The following AGAP1 variants were observed in gnomAD, a reference collection of about 807,000 sequenced individuals.
AGAP1 encodes arf-GAP with GTPase, ANK repeat and PH domain-containing protein 1.
AGAP1 carries 29 observed loss-of-function variants against 105.3 expected under a neutral mutation model. The ratio of observed to expected loss-of-function variants is 0.28; its 90% confidence interval spans 0.21 to 0.38. The LOEUF (loss-of-function observed/expected upper bound fraction) is 0.38, where lower values mean the gene tolerates loss of function less well. Ranked by LOEUF, AGAP1 falls within the 10% of genes least tolerant of loss-of-function variation. The pLI is 1.00. For synonymous variants in AGAP1, 509 were observed against 485.9 expected, an observed-to-expected ratio of 1.05 and a Z score of -0.63; for missense variants, 998 against 1,165.1, an observed-to-expected ratio of 0.86 and a Z score of 2.09.
At chr2:235,500,424 T>C (rs1334871708) in intron 1 of AGAP1, among the ~76,000 whole-genome samples, 1 of 152,226 alleles carries the variant, frequency 6.6e-6, no homozygotes, top group East Asian at 1.9e-4. Context: ...GTCCTGAGGA[T>C]GCGGATGCCC....
Position 235,981,911 on chromosome 2 carries a change from G to A in AGAP1, c.1645+13288G>A, listed in dbSNP as rs1453965953. Among the ~76,000 whole-genome samples the A allele has an allele frequency of 3.3e-5, 5 of 152,250 alleles. No individual in the cohort carries two copies. The highest frequency in any genetic ancestry group is 6.5e-5 in the Admixed American group (1 of 15,298). ...TTGTCTTTTCAGCGGTCTTGCCTCCGAATCTTGGCTTGTCTAGGATTCTTC... is the reference window on the plus strand; with the variant it reads ...TTGTCTTTTCAGCGGTCTTGCCTCCAAATCTTGGCTTGTCTAGGATTCTTC... On this transcript the variant is annotated intron_variant, in intron 13 of 17. Coordinates refer to ENST00000304032, the MANE Select transcript of AGAP1 (RefSeq NM_001037131.3). The surrounding 1 kb of genome is among the most constrained non-coding windows in gnomAD (Gnocchi z 5.5).
intron 1 of AGAP1, among the ~76,000 whole-genome samples, chr2:235,562,023 C>T (rs564513261): frequency 2.6e-5 from 4 of 152,310 alleles, no homozygotes; most frequent in African/African-American, 4.8e-5. Context: ...CAAAAACACA[C>T]ATCTTAACAA....
chr2:235,715,044 G>A (rs1165783022), intron 2 of AGAP1, among the ~76,000 whole-genome samples: 2 of 152,082 alleles, frequency 1.3e-5, no homozygotes, highest in East Asian at 3.9e-4. Flanking sequence ...TGATCTGCCC[G>A]CTTCGGCCCC....
At chr2:235,935,963 G>A (rs1439881928) in intron 12 of AGAP1, among the ~76,000 whole-genome samples, 3 of 152,174 alleles carry the variant, frequency 2.0e-5, no homozygotes, top group Non-Finnish European at 4.4e-5. Flanking sequence ...CTGAGTACCT[G>A]GGTGAGCCTG....
intron 4 of AGAP1, among the ~76,000 whole-genome samples, chr2:235,742,432 TTG>T (rs1009145037): frequency 2.0e-4 from 31 of 152,346 alleles, no homozygotes; most frequent in African/African-American, 6.5e-4. Context: ...GTGTAACATT[TTG>T]TTTCTTAGCA....
chr2:235,919,836 A>T lies in AGAP1; in HGVS notation c.1325-10929A>T, dbSNP rs1187679558. Among the ~76,000 whole-genome samples the T allele has an allele frequency of 2.0e-5, 3 of 152,212 alleles. No homozygotes were observed. Among genetic ancestry groups the T allele is most frequent in the Admixed American group, 2.0e-4 (3 of 15,276 alleles). The stretch of plus-strand genomic sequence containing the variant: ...AATTCTTTTCTTCTCCGTCTTCACA[A>T]TGCTTACACCCCTCATCCTCGCTGT... On this transcript the variant is annotated intron_variant, in intron 11 of 17. Coordinates refer to ENST00000304032, the MANE Select transcript of AGAP1 (RefSeq NM_001037131.3). This position sits in a 1 kb window ranked among gnomAD's most constrained non-coding sequence, Gnocchi z 4.1.
intron 1 of AGAP1, among the ~76,000 whole-genome samples, chr2:235,702,192 A>G (rs1256098811): frequency 6.6e-6 from 1 of 152,134 alleles, no homozygotes; most frequent in East Asian, 1.9e-4. Context: ...AAGTCATTCT[A>G]ATATTGGCTG....
intron 1 of AGAP1, among the ~76,000 whole-genome samples, chr2:235,676,997 G>A (rs911138349): frequency 1.3e-5 from 2 of 152,134 alleles, no homozygotes; most frequent in Admixed American, 1.3e-4. Flanking sequence ...TGATTGTTTT[G>A]GTTTAGGTTT....
rs1017660329 is a variant in AGAP1, at chr2:235,596,903, T to C, written c.163+102054T>C. On this transcript the variant is annotated intron_variant, in intron 1 of 17. Transcript: ENST00000304032. The surrounding 1 kb of genome is among the most constrained non-coding windows in gnomAD (Gnocchi z 5.9). ...ACGAATGCCCCTCAGGAGCGCTTGC[T>C]CTGTACCCTATGAGGACATCATGAG... Among the ~76,000 whole-genome samples the C allele has an allele frequency of 3.3e-5, 5 of 152,134 alleles. No homozygotes were observed. Among genetic ancestry groups the C allele is most frequent in the African/African-American group, 1.2e-4 (5 of 41,414 alleles).
chr2:235,715,561 C>T (rs188970622), intron 2 of AGAP1, among the ~76,000 whole-genome samples: 4 of 152,210 alleles, frequency 2.6e-5, no homozygotes, highest in South Asian at 2.1e-4. Flanking sequence ...AAGTTGTGTG[C>T]GAGGATTTGG....
chr2:235,738,359 T>C (rs935184109), intron 3 of AGAP1, among the ~76,000 whole-genome samples: 1 of 151,936 alleles, frequency 6.6e-6, no homozygotes, highest in Non-Finnish European at 1.5e-5. Flanking sequence ...TTACCCTCAT[T>C]TCACAGGTGA....
At position 235,975,535 on chromosome 2, in the gene AGAP1, T is replaced by C. The variant is rs144239272; in HGVS notation, c.1645+6912T>C. Among the ~76,000 whole-genome samples the C allele has an allele frequency of 7.8e-3, 1,190 of 152,316 alleles. 8 individuals carry two copies. Among genetic ancestry groups the C allele is most frequent in the African/African-American group, 0.018 (734 of 41,568 alleles). ...ATATAACAAGGTTGTAAGAGTCTTA[T>C]TAGCACAAGGCTCTCATCTTTTCTC... On this transcript the variant is annotated intron_variant, in intron 13 of 17. Transcript: ENST00000304032.
At chr2:235,759,568 G>T (rs918825425) in intron 6 of AGAP1, among the ~76,000 whole-genome samples, 8 of 152,214 alleles carry the variant, frequency 5.3e-5, no homozygotes, top group African/African-American at 1.2e-4. Flanking sequence ...ATCTCCCAGC[G>T]AATGGGAGAG....
intron 9 of AGAP1, among the ~76,000 whole-genome samples, chr2:235,836,849 C>A (rs1292774506): frequency 6.6e-6 from 1 of 152,174 alleles, no homozygotes; most frequent in African/African-American, 2.4e-5. Flanking sequence ...ACAGACAGAA[C>A]AGGAGGAACG....
chr2:235,817,166 T>C (rs73998946), intron 9 of AGAP1, among the ~76,000 whole-genome samples: 3,793 of 152,168 alleles, frequency 0.025, 170 homozygotes, highest in African/African-American at 0.087. Flanking sequence ...GTGGAACTTA[T>C]GGCACTTGGC....
intron 13 of AGAP1, among the ~76,000 whole-genome samples, chr2:236,019,069 G>A (rs536752664): frequency 1.3e-5 from 2 of 152,330 alleles, no homozygotes; most frequent in South Asian, 2.1e-4. Flanking sequence ...GGCCTAACTT[G>A]TTGGCCATTC....
At chr2:236,054,645 G>A (rs549141561) in intron 16 of AGAP1, among the ~76,000 whole-genome samples, 8 of 152,190 alleles carry the variant, frequency 5.3e-5, no homozygotes, top group South Asian at 2.1e-4. Flanking sequence ...CTCAGAACAC[G>A]CATAACAAGC....
chr2:235,606,518 T>TA (rs1331693499), intron 1 of AGAP1, among the ~76,000 whole-genome samples: 1 of 152,130 alleles, frequency 6.6e-6, no homozygotes, highest in Non-Finnish European at 1.5e-5. Context: ...AACCTTTTTT[T>TA]AAAAAAGTGG....
rs938015970 is a variant in AGAP1 at position 236,056,314 on chromosome 2, G to A, written c.2114+7033G>A. Among the ~76,000 whole-genome samples the A allele has an allele frequency of 1.3e-5, 2 of 152,152 alleles. No individual in the cohort carries two copies. The highest frequency in any genetic ancestry group is 1.9e-4 in the East Asian group (1 of 5,182). ...AAGAAACCAGTGTGTGCTTGGAGCC[G>A]GCTTTGCTACCGCAGAGCTGTCTAG... On this transcript the variant is annotated intron_variant, in intron 16 of 17. Coordinates refer to ENST00000304032, the MANE Select transcript of AGAP1 (RefSeq NM_001037131.3). This position sits in a 1 kb window ranked among gnomAD's most constrained non-coding sequence, Gnocchi z 4.6.
Sources: gnomAD v4.1 joint callset for allele counts (sites outside exome capture counted in the v4.1 genomes callset) on GRCh38, gnomAD v4.1.1 for gene constraint, Gnocchi (gnomAD v3.1) non-coding constraint, MANE v1.5 for transcripts, NCBI Gene and HGNC (gene_info 2026-07-23, HGNC 2026-07-21) for gene names.